Variants in CNBD1 observed in about 807,000 individuals in gnomAD.
CNBD1 encodes cyclic nucleotide-binding domain-containing protein 1.
CNBD1 carries 71 observed loss-of-function variants against 54.4 expected under a neutral mutation model. The ratio of observed to expected loss-of-function variants is 1.30; its 90% CI spans 1.08 to 1.59. The LOEUF is 1.59. Ranked by LOEUF, CNBD1 falls within the 40% of genes most tolerant of loss-of-function variation. CNBD1 has a pLI of 0.00. For missense variants in CNBD1, 659 were observed against 518.0 expected, an observed-to-expected ratio of 1.27 and a Z score of -2.64; for synonymous variants, 182 against 170.7, an observed-to-expected ratio of 1.07 and a Z score of -0.51.
At chr8:87,199,254 AG>A (rs745462014) in intron 4 of CNBD1, among the ~76,000 whole-genome samples, 1 of 152,222 alleles carries the variant, frequency 6.6e-6, no homozygotes, top group Non-Finnish European at 1.5e-5. Context: ...AAAATTAAAA[AG>A]CGACAAACAG....
chr8:87,096,521 A>G (rs911847893), intron 4 of CNBD1, among the ~76,000 whole-genome samples: 9 of 152,138 alleles, frequency 5.9e-5, no homozygotes, highest in Admixed American at 5.2e-4. Flanking sequence ...GGGGAATTGA[A>G]GAATTTTTAA....
At chr8:86,871,487 C>CT (rs1812428865) in intron 1 of CNBD1, among the ~76,000 whole-genome samples, 2 of 152,230 alleles carry the variant, frequency 1.3e-5, no homozygotes, top group Admixed American at 1.3e-4. Flanking sequence ...GGGTCCTACT[C>CT]TCCTTTAAAA....
At chr8:87,037,591 T>C (rs1424161682) in intron 4 of CNBD1, among the ~76,000 whole-genome samples, 1 of 152,166 alleles carries the variant, frequency 6.6e-6, no homozygotes, top group African/African-American at 2.4e-5. Flanking sequence ...CTTCCAACTC[T>C]TCTACTGAAT....
intron 8 of CNBD1, among the ~76,000 whole-genome samples, chr8:87,294,036 T>G (rs912029585): frequency 6.6e-6 from 1 of 152,140 alleles, no homozygotes; most frequent in Non-Finnish European, 1.5e-5. Context: ...TTAAAGGTTT[T>G]GAATAACAGA....
chr8:87,397,892 A>G (rs1314005176), intron 2 of CNBD1, among the ~76,000 whole-genome samples: 1 of 151,958 alleles, frequency 6.6e-6, no homozygotes, highest in Non-Finnish European at 1.5e-5. Context: ...TTCAAAAATG[A>G]GAGTTTCTCT....
chr8:86,978,428 AAAGTT>A (rs1387520500), intron 4 of CNBD1, among the ~76,000 whole-genome samples: 3 of 151,962 alleles, frequency 2.0e-5, no homozygotes, highest in African/African-American at 7.2e-5. Context: ...TCTCTAATTT[AAAGTT>A]AAGATTGACC....
Position 87,089,558 on chromosome 8 carries a change from T to TGTC in CNBD1, c.432-116434_432-116432dup, listed in dbSNP as rs568840850. Among the ~76,000 whole-genome samples, 19 of 152,220 alleles carry TGTC rather than the reference T, an allele frequency of 1.2e-4. No homozygotes were observed. In the South Asian group the frequency reaches 2.1e-3, roughly 17 times the overall value. Reference sequence around the variant, plus strand: ...ATTAAGAGACATATTTGAGAAAAGGTGTCCGTTACTTTAAGGAAGGTTGGA... The same window carrying TGTC: ...ATTAAGAGACATATTTGAGAAAAGGTGTCGTCCGTTACTTTAAGGAAGGTTGGA... On this transcript the variant is annotated intron_variant, in intron 4 of 10. Coordinates refer to ENST00000518476, the MANE Select transcript of CNBD1 (RefSeq NM_173538.3).
At chr8:86,969,173 C>T (rs544676611) in intron 4 of CNBD1, among the ~76,000 whole-genome samples, 44 of 151,958 alleles carry the variant, frequency 2.9e-4, no homozygotes, top group Non-Finnish European at 5.7e-4. Context: ...TCTGCATTTT[C>T]TCATTTTCTT....
chr8:87,406,733 C>A (rs1023637760), intron 2 of CNBD1, among the ~76,000 whole-genome samples: 2 of 152,028 alleles, frequency 1.3e-5, no homozygotes, highest in Admixed American at 1.3e-4. Flanking sequence ...CAGCCTTGGC[C>A]TCCCAAAATG....
At chr8:87,308,936 C>T (rs947317106) in intron 8 of CNBD1, among the ~76,000 whole-genome samples, 1 of 152,080 alleles carries the variant, frequency 6.6e-6, no homozygotes, top group Non-Finnish European at 1.5e-5. Context: ...ATTTTTTATA[C>T]CTCAATCGTA....
At chr8:87,043,546 G>A (rs1214346568) in intron 4 of CNBD1, among the ~76,000 whole-genome samples, 2 of 152,054 alleles carry the variant, frequency 1.3e-5, no homozygotes, top group Admixed American at 6.5e-5. Context: ...TTACTCAGTG[G>A]CCTTTGGGCT....
At chr8:87,369,870 C>T (rs1189935006) in intron 10 of CNBD1, among the ~76,000 whole-genome samples, 2 of 151,964 alleles carry the variant, frequency 1.3e-5, no homozygotes, top group Non-Finnish European at 2.9e-5. Flanking sequence ...TATGCTATCC[C>T]TCCCCACTCC....
At chr8:87,149,764 A>C (rs1248265714) in intron 4 of CNBD1, among the ~76,000 whole-genome samples, 1 of 152,172 alleles carries the variant, frequency 6.6e-6, no homozygotes, top group Non-Finnish European at 1.5e-5. Flanking sequence ...AAAATAGTTT[A>C]AATCAGGCTG....
chr8:87,167,491 T>C (rs1357773431), intron 4 of CNBD1, among the ~76,000 whole-genome samples: 1 of 151,948 alleles, frequency 6.6e-6, no homozygotes, highest in Admixed American at 6.6e-5. Context: ...GGAGTCTCGC[T>C]CTGTCACCCA....
At chr8:86,907,178 A>C (rs1049536472) in intron 3 of CNBD1, among the ~76,000 whole-genome samples, 2 of 152,144 alleles carry the variant, frequency 1.3e-5, no homozygotes, top group African/African-American at 4.8e-5. Flanking sequence ...TTTACTGTTC[A>C]GGTGAGAATG....
chr8:87,141,393 C>T (rs1812366794), intron 4 of CNBD1, among the ~76,000 whole-genome samples: 1 of 151,984 alleles, frequency 6.6e-6, no homozygotes, highest in Non-Finnish European at 1.5e-5. Flanking sequence ...CTTACACTGT[C>T]AATATATATG....
chr8:87,407,795 C>T (rs531304378), intron 2 of CNBD1, among the ~76,000 whole-genome samples: 2 of 151,928 alleles, frequency 1.3e-5, no homozygotes, highest in Non-Finnish European at 2.9e-5. Flanking sequence ...TATGGATATC[C>T]TCTTGAATAA....
intron 6 of CNBD1, among the ~76,000 whole-genome samples, chr8:87,253,286 G>T (rs1807946285): frequency 6.6e-6 from 1 of 152,036 alleles, no homozygotes; most frequent in African/African-American, 2.4e-5. Context: ...GTTAGAGTCA[G>T]CCCGGGGAGA....
At chr8:87,258,372 A>T (rs1168810174) in intron 6 of CNBD1, among the ~76,000 whole-genome samples, 1 of 151,646 alleles carries the variant, frequency 6.6e-6, no homozygotes, top group Non-Finnish European at 1.5e-5. Context: ...TCCCTTCTTT[A>T]TTTGTGTGTG....
Sources: gnomAD v4.1 joint callset for allele counts (sites outside exome capture counted in the v4.1 genomes callset) on GRCh38, gnomAD v4.1.1 for gene constraint, MANE v1.5 for transcripts, NCBI Gene and HGNC (gene_info 2026-07-23, HGNC 2026-07-21) for gene names.